Variants in GNAL observed in about 807,000 individuals in gnomAD.
GNAL encodes the protein guanine nucleotide-binding protein G(olf) subunit alpha.
GNAL carries 18 observed loss-of-function variants against 55.1 expected under a neutral mutation model. The ratio of observed to expected loss-of-function variants is 0.33; its 90% confidence interval spans 0.23 to 0.48. GNAL has a LOEUF of 0.48. GNAL is among the 20% of genes least tolerant of loss of function. GNAL has a pLI of 0.99. For synonymous variants in GNAL, 253 were observed against 237.0 expected, an observed-to-expected ratio of 1.07 and a Z score of -0.62; for missense variants, 412 against 614.1, an observed-to-expected ratio of 0.67 and a Z score of 3.48.
intron 1 of GNAL, among the ~76,000 whole-genome samples, chr18:11,744,003 G>T (rs2143037806): frequency 6.6e-6 from 1 of 152,138 alleles, no homozygotes; most frequent in East Asian, 1.9e-4. Flanking sequence ...ATGCTTTGTG[G>T]GATACGCTTT....
chr18:11,822,228 C>G (rs1168302533), intron 4 of GNAL, among the ~76,000 whole-genome samples: 1 of 152,158 alleles, frequency 6.6e-6, no homozygotes, highest in Non-Finnish European at 1.5e-5. Flanking sequence ...TCACTTGAGC[C>G]TGGAGTTCGA....
intron 9 of GNAL, among the ~76,000 whole-genome samples, chr18:11,871,243 G>T (rs2855636): frequency 0.26 from 37,539 of 145,614 alleles, 5,315 homozygotes; most frequent in African/African-American, 0.41. Context: ...GTGTGTGTGG[G>T]TTTTTCTTTC....
intron 4 of GNAL, among the ~76,000 whole-genome samples, chr18:11,796,662 C>T (rs1482016500): frequency 6.6e-6 from 1 of 151,364 alleles, no homozygotes; most frequent in African/African-American, 2.4e-5. Context: ...CGGTGATATC[C>T]TGCCAGTGTC....
intron 1 of GNAL, among the ~76,000 whole-genome samples, chr18:11,726,984 C>G (rs2032226951): frequency 6.6e-6 from 1 of 151,686 alleles, no homozygotes; most frequent in African/African-American, 2.4e-5. Flanking sequence ...GCCAGCAAAG[C>G]TTTCTTTAGT....
In GNAL at chr18:11,883,226, C is replaced by CTT; in HGVS notation, c.*2091_*2092insTT. ...TATCTCATCACCGTCTTACTGCCTC[C>CTT]CCATCCACTGTCTCATAAAGCCCTC... On this transcript the variant is annotated 3_prime_UTR_variant, in exon 12 of 12. Coordinates refer to ENST00000334049, the MANE Select transcript of GNAL (RefSeq NM_182978.4). 1.1e-5 allele frequency: 1 copy of CTT among 94,752 alleles called. No individual in the cohort carries two copies. The highest frequency in any genetic ancestry group is 8.0e-4 in the East Asian group (1 of 1,254). The allele number at this position is 94,752 out of a possible 1,614,324, so 5.9% of individuals were successfully genotyped here.
At position 11,868,520 on chromosome 18, in the gene GNAL, C is replaced by A. The variant is rs748309785; in HGVS notation, c.911-23C>A. The A allele has an allele frequency of 2.5e-6, 4 of 1,600,412 alleles. No individual in the cohort carries two copies. In the South Asian group the frequency reaches 4.5e-5, roughly 18 times the overall value. On this transcript the variant is annotated intron_variant, in intron 8 of 11. Transcript: ENST00000334049. The surrounding 1 kb of genome is among the most constrained non-coding windows in gnomAD (Gnocchi z 4.0). ...ACAGTGAGGATGTCTAACTGAGGTG[C>A]TTTCCTTTTTCTCCCCACCAAGATG...
chr18:11,776,019 G>A (rs547983141), intron 4 of GNAL, among the ~76,000 whole-genome samples: 1 of 152,300 alleles, frequency 6.6e-6, no homozygotes, highest in African/African-American at 2.4e-5. Context: ...GGTGTCTCCG[G>A]ATGGGAGTGA....
chr18:11,766,154 T>C (rs537421045), intron 4 of GNAL, among the ~76,000 whole-genome samples: 1 of 152,362 alleles, frequency 6.6e-6, no homozygotes, highest in South Asian at 2.1e-4. Flanking sequence ...CACTAGGTTT[T>C]AAGAGGCAGA....
At chr18:11,832,021 T>C (rs925314939) in intron 5 of GNAL, among the ~76,000 whole-genome samples, 2 of 152,252 alleles carry the variant, frequency 1.3e-5, no homozygotes, top group African/African-American at 4.8e-5. Flanking sequence ...TATTTTATAT[T>C]GAATTTCCCA....
At chr18:11,694,941 G>A (rs1428520970) in intron 1 of GNAL, among the ~76,000 whole-genome samples, 8 of 152,028 alleles carry the variant, frequency 5.3e-5, no homozygotes, top group South Asian at 2.1e-4. Context: ...AGAGATCTCC[G>A]GTGTCTCTTC....
chr18:11,692,818 C>T (rs8097741), intron 1 of GNAL, among the ~76,000 whole-genome samples: 54,007 of 151,542 alleles, frequency 0.36, 13,355 homozygotes, highest in African/African-American at 0.71. Context: ...AATAAATAAA[C>T]AAATAAAAGA....
chr18:11,846,089 G>T (rs1786569), intron 5 of GNAL, among the ~76,000 whole-genome samples: 2 of 151,760 alleles, frequency 1.3e-5, no homozygotes, highest in African/African-American at 4.8e-5. Flanking sequence ...GGAAATTGAG[G>T]CCAGAAAAGA....
intron 1 of GNAL, among the ~76,000 whole-genome samples, chr18:11,742,104 C>CATCACAT (rs1183489331): frequency 6.6e-6 from 1 of 152,184 alleles, no homozygotes; most frequent in Non-Finnish European, 1.5e-5. Flanking sequence ...CCCATTCGCC[C>CATCACAT]ATCACATGTG....
At chr18:11,733,417 T>G (rs1478160894) in intron 1 of GNAL, among the ~76,000 whole-genome samples, 1 of 152,186 alleles carries the variant, frequency 6.6e-6, no homozygotes, top group Non-Finnish European at 1.5e-5. Context: ...GGGGGCTTGC[T>G]GGACACAGCC....
intron 4 of GNAL, among the ~76,000 whole-genome samples, chr18:11,802,303 G>A (rs10048315): frequency 0.25 from 37,824 of 152,002 alleles, 5,633 homozygotes; most frequent in African/African-American, 0.42. Context: ...GGACAGTCCT[G>A]GGAAATGTCA....
At chr18:11,863,489 C>CT (rs1175762104) in intron 6 of GNAL, among the ~76,000 whole-genome samples, 1 of 152,348 alleles carries the variant, frequency 6.6e-6, no homozygotes, top group Non-Finnish European at 1.5e-5. Context: ...TTGAAATTAT[C>CT]TGACAAAGCA....
intron 4 of GNAL, among the ~76,000 whole-genome samples, chr18:11,755,262 T>C (rs1436377066): frequency 1.3e-5 from 2 of 151,916 alleles, no homozygotes; most frequent in African/African-American, 4.9e-5. Context: ...CTAATAAGAA[T>C]GACTTTGTTT....
chr18:11,851,565 GAGT>G (rs2035868774), intron 5 of GNAL: 1 of 1,611,992 alleles, frequency 6.2e-7, no homozygotes, highest in South Asian at 1.1e-5. Context: ...CCAAAGAACT[GAGT>G]AGGAGTGCCA....
intron 1 of GNAL, among the ~76,000 whole-genome samples, chr18:11,735,072 T>A (rs1043902079): frequency 6.6e-6 from 1 of 151,078 alleles, no homozygotes; most frequent in Non-Finnish European, 1.5e-5. Context: ...TTTTTTGAGA[T>A]GGAGTTTCGC....
Sources: gnomAD v4.1 joint callset for allele counts (sites outside exome capture counted in the v4.1 genomes callset) on GRCh38, gnomAD v4.1.1 for gene constraint, Gnocchi (gnomAD v3.1) non-coding constraint, MANE v1.5 for transcripts, NCBI Gene and HGNC (gene_info 2026-07-23, HGNC 2026-07-21) for gene names.